DMXL1: variants seen among roughly 807,000 people sequenced by gnomAD.
The protein encoded by DMXL1 is dmX-like protein 1.
A neutral mutation model predicts 319.2 loss-of-function variants in DMXL1; 99 were observed. The ratio of observed to expected loss-of-function variants is 0.31; its 90% CI spans 0.26 to 0.37. DMXL1 has a LOEUF of 0.37. Among genes scored for constraint, DMXL1 ranks in the 10% least tolerant of loss-of-function variants. The probability of loss-of-function intolerance (pLI) is 1.00; values close to 1 mark genes in which losing one functional copy is unlikely to be tolerated. For missense variants in DMXL1, 3,745 were observed against 3,595.6 expected, an observed-to-expected ratio of 1.04 and a Z score of -1.06; for synonymous variants, 1,385 against 1,235.2, an observed-to-expected ratio of 1.12 and a Z score of -2.54.
At chr5:119,110,067 T>G in intron 4 of DMXL1, 84 bp from the exon 5 acceptor site, 1 of 1,286,362 alleles carries the variant, frequency 7.8e-7, no homozygotes, top group Non-Finnish European at 1.1e-6. Context: ...TTTTTAGAAG[T>G]TGTTTTATAT....
intron 10 of DMXL1, chr5:119,132,635 C>A: frequency 2.6e-6 from 1 of 380,754 alleles, no homozygotes; most frequent in Non-Finnish European, 5.1e-6. Flanking sequence ...TGAGATCACG[C>A]CACTGTACTC....
chr5:119,241,618 C>G (rs776420239), intron 42 of DMXL1, among the ~76,000 whole-genome samples: 32 of 151,090 alleles, frequency 2.1e-4, no homozygotes, highest in Non-Finnish European at 7.4e-5. Flanking sequence ...TGGTGCATAT[C>G]AAGCAATTCA....
At chr5:119,105,435 A>G (rs1436382153) in intron 4 of DMXL1, among the ~76,000 whole-genome samples, 177 bp downstream of exon 4, 2 of 152,226 alleles carry the variant, frequency 1.3e-5, no homozygotes, top group Non-Finnish European at 2.9e-5. Context: ...TATGCACTGT[A>G]AGAAATGAGA....
At chr5:119,136,955 A>G (rs1249174739) in intron 13 of DMXL1, among the ~76,000 whole-genome samples, 1 of 152,226 alleles carries the variant, frequency 6.6e-6, no homozygotes, top group African/African-American at 2.4e-5. Flanking sequence ...GCCTCATGGA[A>G]CTGGGAGAAG....
Position 119,249,012 on chromosome 5 carries a change from G to A in DMXL1, c.*1793G>A, listed in dbSNP as rs1405770554. On this transcript the variant is annotated 3_prime_UTR_variant, in exon 44 of 44. Coordinates refer to ENST00000539542, the MANE Select transcript of DMXL1 (RefSeq NM_001290321.3). ...GCTTATTAGAACAAAAGGTGTTTAA[G>A]GATGAACTAAATATTTTAATTGAGC... The A allele has an allele frequency of 6.6e-6, 1 of 152,444 alleles. No individual in the cohort carries two copies. The highest frequency in any genetic ancestry group is 1.9e-4 in the East Asian group (1 of 5,198). The allele number at this position is 152,444 out of a possible 1,614,324, so 9.4% of individuals were successfully genotyped here. A position where few individuals can be genotyped will look rare whatever the true frequency, so the allele number is the denominator to read the frequency against.
chr5:119,132,530 A>G (rs1182797469), intron 10 of DMXL1: 1 of 253,698 alleles, frequency 3.9e-6, no homozygotes, highest in African/African-American at 2.3e-5. Flanking sequence ...AAGTACAAAA[A>G]TTAGCCGGGC....
At chr5:119,212,640 C>T (rs889106441) in intron 34 of DMXL1, among the ~76,000 whole-genome samples, 1 of 152,030 alleles carries the variant, frequency 6.6e-6, no homozygotes, top group African/African-American at 2.4e-5. Flanking sequence ...TCTCTTTTAG[C>T]GTTAATATTT....
intron 13 of DMXL1, among the ~76,000 whole-genome samples, chr5:119,139,635 A>G (rs2150084820): frequency 6.6e-6 from 1 of 152,348 alleles, no homozygotes; most frequent in Non-Finnish European, 1.5e-5. Context: ...ACAACTTCTT[A>G]GAAACCTACA....
At chr5:119,237,237 A>G in intron 39 of DMXL1, 85 bp from the exon 40 acceptor site, 1 of 715,960 alleles carries the variant, frequency 1.4e-6, no homozygotes, top group East Asian at 2.9e-5. Flanking sequence ...TTACGAGTCA[A>G]AATATGGGTG....
intron 1 of DMXL1, among the ~76,000 whole-genome samples, chr5:119,084,068 G>A (rs112762989): frequency 0.027 from 4,143 of 151,970 alleles, 211 homozygotes; most frequent in African/African-American, 0.094. Context: ...TCATATACCT[G>A]TTGGCCATTT....
chr5:119,140,730 G>A (rs957073941), intron 13 of DMXL1, among the ~76,000 whole-genome samples: 1 of 152,048 alleles, frequency 6.6e-6, no homozygotes, highest in Non-Finnish European at 1.5e-5. Context: ...AATTGAGGAG[G>A]AGGGACTCCT....
rs1311066672 is a variant in DMXL1, at chr5:119,166,601, T to G, written c.4971-15T>G. On this transcript the variant is annotated splice_polypyrimidine_tract_variant and intron_variant, in intron 21 of 43. Transcript: ENST00000539542. ...TGTATTCCAAAATTTTCACACCATT[T>G]TTTTTCCTTTATAGAGCTGAAAAAA... The G allele has an allele frequency of 6.3e-7, 1 of 1,577,934 alleles. No individual in the cohort carries two copies. Among genetic ancestry groups the G allele is most frequent in the African/African-American group, 1.4e-5 (1 of 72,382 alleles).
At chr5:119,131,110 T>C (rs556885009) in intron 10 of DMXL1, among the ~76,000 whole-genome samples, 1 of 152,044 alleles carries the variant, frequency 6.6e-6, no homozygotes, top group South Asian at 2.1e-4. Flanking sequence ...TTTTTGCCCT[T>C]CTGTGGCTTG....
chr5:119,121,175 T>A (rs374647823), intron 9 of DMXL1, 36 bp downstream of exon 9: 34 of 1,507,362 alleles, frequency 2.3e-5, no homozygotes, highest in Middle Eastern at 1.7e-4. Context: ...TTTCTGAAAT[T>A]GAATAGATTG....
intron 1 of DMXL1, among the ~76,000 whole-genome samples, chr5:119,090,392 T>G (rs960830910): frequency 1.3e-5 from 2 of 152,064 alleles, no homozygotes; most frequent in African/African-American, 4.8e-5. Context: ...GATATTTATG[T>G]CTTTTCTGAA....
rs142411562 is a variant in DMXL1 at position 119,171,181 on chromosome 5, G to A, written c.6390G>A (p.Leu2130=). 21 of 1,613,830 alleles carry A rather than the reference G, an allele frequency of 1.3e-5. No individual in the cohort carries two copies. The highest frequency in any genetic ancestry group is 1.8e-5 in the Non-Finnish European group (21 of 1,179,890). The part of the protein sequence containing the change: ...RQWLLKYQSL[L]RMFLSYCILH... ...GGCTCTTGAAGTATCAGTCACTTTT[G>A]AGAATGTTTCTTAGTTACTGCATAC... Residue 2130 remains leucine, a synonymous_variant, in exon 24 of 44, where the codon TTG becomes TTA. Transcript: ENST00000539542.
At position 119,170,996 on chromosome 5, in the gene DMXL1, G is replaced by A; in HGVS notation, c.6205G>A (p.Ala2069Thr). 6.2e-7 allele frequency: 1 copy of A among 1,613,868 alleles called. No individual in the cohort carries two copies. Among genetic ancestry groups the A allele is most frequent in the Non-Finnish European group, 8.5e-7 (1 of 1,179,868 alleles). The change falls in exon 24 of 44, where the codon GCT becomes ACT. Residue 2069 changes from alanine (A) to threonine (T), a missense_variant. Physicochemically the swap from Ala to Thr is moderately conservative, Grantham distance 58 (BLOSUM62 0). Coordinates refer to ENST00000539542, the MANE Select transcript of DMXL1 (RefSeq NM_001290321.3). Reference protein sequence around the residue: ...LYHWLEKEVIALQRTCDFCSD... With the variant: ...LYHWLEKEVITLQRTCDFCSD... ...CCACTGGCTTGAAAAAGAGGTGATA[G>A]CTCTTCAGAGGACTTGTGACTTTTG...
At position 119,203,542 on chromosome 5, in the gene DMXL1, A is replaced by G. The variant is rs538597670; in HGVS notation, c.7863+106A>G. The stretch of plus-strand genomic sequence containing the variant: ...TTTTACAGATTTTTTGAAAACACGT[A>G]TCATAAACATAGGCAATTAATGCTT... On this transcript the variant is annotated intron_variant, in intron 33 of 43. Transcript: ENST00000539542. 5 of 537,690 alleles carry G rather than the reference A, an allele frequency of 9.3e-6. No homozygotes were observed. The East Asian group carries it at 1.4e-4, about 15-fold the overall frequency. 33.3% of individuals were successfully genotyped at this position (537,690 alleles called of 1,614,324 possible).
intron 1 of DMXL1, among the ~76,000 whole-genome samples, chr5:119,076,720 G>A (rs1170384447): frequency 2.0e-5 from 3 of 152,062 alleles, no homozygotes; most frequent in Admixed American, 1.3e-4. Context: ...ATTCTTTGGG[G>A]GTGTTTACCT....
Sources: gnomAD v4.1 joint callset for allele counts (sites outside exome capture counted in the v4.1 genomes callset) on GRCh38, gnomAD v4.1.1 for gene constraint, MANE v1.5 for transcripts, NCBI Gene and HGNC (gene_info 2026-07-23, HGNC 2026-07-21) for gene names.